PLCB4: variants seen among roughly 807,000 people sequenced by gnomAD.
PLCB4 encodes the protein 1-phosphatidylinositol 4,5-bisphosphate phosphodiesterase beta-4.
Under a neutral mutation model 178.8 loss-of-function variants are expected in PLCB4, and 77 were observed. The ratio of observed to expected loss-of-function variants is 0.43; its 90% CI spans 0.36 to 0.52. PLCB4 has a LOEUF of 0.52. Ranked by LOEUF, PLCB4 falls within the 20% of genes least tolerant of loss-of-function variation. PLCB4 has a pLI of 0.00. For synonymous variants in PLCB4, 496 were observed against 490.8 expected, an observed-to-expected ratio of 1.01 and a Z score of -0.14; for missense variants, 1,024 against 1,453.4, an observed-to-expected ratio of 0.70 and a Z score of 4.80.
chr20:9,401,533 T>C lies in PLCB4; in HGVS notation c.1554T>C (p.Asn518=), dbSNP rs1260341187. The C allele has an allele frequency of 6.8e-6, 11 of 1,613,954 alleles. No homozygotes were observed. The East Asian group carries it at 1.8e-4, about 26-fold the overall frequency. The change falls in exon 20 of 40, where the codon AAT becomes AAC. Residue 518 remains asparagine, a synonymous_variant. Transcript: ENST00000378473. ...CTCACCCCGAATTCAAATTTGGAAA[T>C]GAACTTTCTGCTGATGACTTGGGTC... is the stretch of plus-strand genomic sequence containing the variant. ...EEAHPEFKFG[N]ELSADDLGHK...
At chr20:9,154,942 TCCTTC>T (rs2092761189) in intron 2 of PLCB4, among the ~76,000 whole-genome samples, 1 of 140,938 alleles carries the variant, frequency 7.1e-6, no homozygotes, top group Non-Finnish European at 1.5e-5. Flanking sequence ...CTTCCTTCCT[TCCTTC>T]CTTCCTTCCT....
chr20:9,250,445 C>T (rs1000747585), intron 3 of PLCB4, among the ~76,000 whole-genome samples: 14 of 152,136 alleles, frequency 9.2e-5, no homozygotes, highest in African/African-American at 3.4e-4. Context: ...TTCAGAAAGC[C>T]AAGATTTCCC....
Position 9,372,296 on chromosome 20 carries a change from C to G in PLCB4, c.586-7C>G. 1 of 1,480,110 alleles carries G rather than the reference C, an allele frequency of 6.8e-7. No homozygotes were observed. Among genetic ancestry groups the G allele is most frequent in the Non-Finnish European group, 9.4e-7 (1 of 1,062,254 alleles). The allele number at this position is 1,480,110 out of a possible 1,614,324, so 91.7% of individuals were successfully genotyped here. ...TGTGATTCATAACATGATTTTATTC[C>G]TTACAGAATGATGAAATTGAGCCCA... On this transcript the variant is annotated splice_region_variant and splice_polypyrimidine_tract_variant and intron_variant, in intron 10 of 39. Coordinates refer to ENST00000378473, the MANE Select transcript of PLCB4 (RefSeq NM_001377142.1).
intron 4 of PLCB4, among the ~76,000 whole-genome samples, chr20:9,324,174 C>CA (rs112627020): frequency 0.22 from 30,007 of 134,950 alleles, 4,569 homozygotes; most frequent in African/African-American, 0.43. Context: ...GGTCCTGTCT[C>CA]AAAAAAAAAA....
chr20:9,453,460 G>A lies in PLCB4; in HGVS notation c.2994G>A (p.Lys998=). 1 of 1,516,766 alleles carries A rather than the reference G, an allele frequency of 6.6e-7. No homozygotes were observed. Among genetic ancestry groups the A allele is most frequent in the Non-Finnish European group, 9.1e-7 (1 of 1,094,394 alleles). The allele number at this position is 1,516,766 out of a possible 1,614,324, so 94.0% of individuals were successfully genotyped here. The change falls in exon 33 of 40, where the codon AAG becomes AAA. Residue 998 remains lysine (K), a splice_region_variant and synonymous_variant. Transcript: ENST00000378473. ...TCCTAGAGAAGGCAATGAAGAAGAA[G>A]GGGTAATACTGTTTATTTCCTTCTG... ...EKILEKAMKK[K]GGSNCLEMKK... is the part of the protein sequence containing the mutation.
At chr20:9,464,843 T>C (rs1032874157) in intron 35 of PLCB4, among the ~76,000 whole-genome samples, 2 of 152,194 alleles carry the variant, frequency 1.3e-5, no homozygotes, top group African/African-American at 4.8e-5. Flanking sequence ...AGCCGAATTC[T>C]ACCAGAGATA....
At chr20:9,236,312 C>T (rs544116481) in intron 3 of PLCB4, among the ~76,000 whole-genome samples, 20 of 152,252 alleles carry the variant, frequency 1.3e-4, no homozygotes, top group South Asian at 4.2e-4. Flanking sequence ...TGCCAACCGC[C>T]GCCTTCCAGA....
chr20:9,307,744 A>G, intron 3 of PLCB4, 56 bp from the exon 4 acceptor site: 1 of 733,826 alleles, frequency 1.4e-6, no homozygotes, highest in Non-Finnish European at 2.3e-6. Context: ...GTGATTAACC[A>G]TCCTCAATTG....
intron 2 of PLCB4, among the ~76,000 whole-genome samples, chr20:9,097,861 G>A (rs1600382047): frequency 6.6e-6 from 1 of 152,098 alleles, no homozygotes; most frequent in Admixed American, 6.5e-5. Context: ...TGTGGAGAAC[G>A]AACATACATT....
chr20:9,313,719 T>G (rs1473373536), intron 4 of PLCB4, among the ~76,000 whole-genome samples: 1 of 152,206 alleles, frequency 6.6e-6, no homozygotes, highest in Non-Finnish European at 1.5e-5. Flanking sequence ...CACTTTATTA[T>G]GCACTGCAGT....
At chr20:9,155,789 G>A (rs2092777218) in intron 2 of PLCB4, among the ~76,000 whole-genome samples, 1 of 152,088 alleles carries the variant, frequency 6.6e-6, no homozygotes, top group African/African-American at 2.4e-5. Context: ...TTTGTGCTCT[G>A]TAGCTAAACT....
intron 7 of PLCB4, among the ~76,000 whole-genome samples, chr20:9,341,740 G>A (rs1226965931): frequency 6.6e-6 from 1 of 151,486 alleles, no homozygotes; most frequent in Admixed American, 6.6e-5. Flanking sequence ...AGTGATATAT[G>A]TTTGAGGGTT....
At chr20:9,084,916 G>T (rs1255920080) in intron 1 of PLCB4, among the ~76,000 whole-genome samples, 2 of 152,036 alleles carry the variant, frequency 1.3e-5, no homozygotes, top group Non-Finnish European at 2.9e-5. Flanking sequence ...AGCCGGGCGT[G>T]GTGGCGTGCG....
At chr20:9,346,903 C>T (rs2033853604) in intron 7 of PLCB4, among the ~76,000 whole-genome samples, 1 of 152,164 alleles carries the variant, frequency 6.6e-6, no homozygotes. Flanking sequence ...TGAAATCAGT[C>T]TCCTGGGGCC....
At chr20:9,313,615 T>C (rs1025815011) in intron 4 of PLCB4, among the ~76,000 whole-genome samples, 1 of 152,216 alleles carries the variant, frequency 6.6e-6, no homozygotes, top group African/African-American at 2.4e-5. Context: ...GGTGGATAAT[T>C]AGTTTAGTTA....
chr20:9,154,437 CA>C (rs2092746507), intron 2 of PLCB4, among the ~76,000 whole-genome samples: 2 of 152,042 alleles, frequency 1.3e-5, no homozygotes, highest in Non-Finnish European at 2.9e-5. Flanking sequence ...ATGCCACAAC[CA>C]AAAGTTTTGA....
intron 2 of PLCB4, among the ~76,000 whole-genome samples, chr20:9,163,534 TC>T (rs2092922223): frequency 6.6e-6 from 1 of 151,396 alleles, no homozygotes; most frequent in Non-Finnish European, 1.5e-5. Flanking sequence ...TACAGTATCC[TC>T]CATGTTTTTT....
chr20:9,114,330 C>A (rs1012750594), intron 2 of PLCB4, among the ~76,000 whole-genome samples: 1 of 151,944 alleles, frequency 6.6e-6, no homozygotes, highest in East Asian at 1.9e-4. Context: ...ATGCTAGGAA[C>A]GGAGAAGACA....
chr20:9,248,190 C>T (rs1354791258), intron 3 of PLCB4, among the ~76,000 whole-genome samples: 1 of 151,950 alleles, frequency 6.6e-6, no homozygotes, highest in African/African-American at 2.4e-5. Context: ...TGTATATATA[C>T]GTATATACAC....
Sources: gnomAD v4.1 joint callset for allele counts (sites outside exome capture counted in the v4.1 genomes callset) on GRCh38, gnomAD v4.1.1 for gene constraint, MANE v1.5 for transcripts, NCBI Gene and HGNC (gene_info 2026-07-23, HGNC 2026-07-21) for gene names.